Variants in HDGFL3 observed in about 807,000 individuals in gnomAD.
The protein encoded by HDGFL3 is hepatoma-derived growth factor-related protein 3.
A neutral mutation model predicts 27.6 loss-of-function variants in HDGFL3; 6 were observed. The observed-to-expected ratio is 0.22, with a 90% CI of 0.12 to 0.43. The LOEUF is 0.43. Among genes scored for constraint, HDGFL3 ranks in the 20% least tolerant of loss-of-function variants. The probability of loss-of-function intolerance (pLI) is 1.00; values close to 1 mark genes in which losing one functional copy is unlikely to be tolerated. For synonymous variants in HDGFL3, 88 were observed against 88.9 expected (o/e 0.99, Z 0.05); for missense variants, 207 against 250.1 (o/e 0.83, Z 1.16).
intron 1 of HDGFL3, among the ~76,000 whole-genome samples, chr15:83,176,529 C>T (rs76508150): frequency 0.012 from 1,810 of 152,206 alleles, 38 homozygotes; most frequent in African/African-American, 0.041. Flanking sequence ...GACTGGAGCC[C>T]GTGGGGAGGC....
At chr15:83,146,589 T>C (rs2036896740) in intron 5 of HDGFL3, among the ~76,000 whole-genome samples, 1 of 152,224 alleles carries the variant, frequency 6.6e-6, no homozygotes, top group African/African-American at 2.4e-5. Context: ...CTTGTACACA[T>C]CCTTGATTCC....
At chr15:83,194,635 T>G (rs1183853074) in intron 1 of HDGFL3, among the ~76,000 whole-genome samples, 3 of 152,194 alleles carry the variant, frequency 2.0e-5, no homozygotes, top group Non-Finnish European at 4.4e-5. Flanking sequence ...GGTTTTCACC[T>G]TTTCTTTACC....
chr15:83,171,934 CCT>C (rs1163622180), intron 1 of HDGFL3, among the ~76,000 whole-genome samples: 1 of 152,148 alleles, frequency 6.6e-6, no homozygotes, highest in African/African-American at 2.4e-5. Flanking sequence ...ATGGTGGTTT[CCT>C]CTTTTTATCT....
chr15:83,113,238 C>A, exon 4 of HDGFL3: 1 of 383,698 alleles, frequency 2.6e-6, no homozygotes, highest in Non-Finnish European at 4.9e-6. Flanking sequence ...TACTAGCAGT[C>A]CCCCCCACTT....
chr15:83,202,202 C>A (rs1432239795), intron 1 of HDGFL3, among the ~76,000 whole-genome samples: 4 of 152,058 alleles, frequency 2.6e-5, no homozygotes, highest in African/African-American at 9.7e-5. Flanking sequence ...CAAATTTAAT[C>A]TATTGCTAGA....
intron 1 of HDGFL3, among the ~76,000 whole-genome samples, chr15:83,198,334 G>A (rs549437589): frequency 3.3e-5 from 5 of 152,138 alleles, no homozygotes; most frequent in African/African-American, 9.6e-5. Flanking sequence ...CTATATAAAC[G>A]CATACAACTC....
downstream of HDGFL3, among the ~76,000 whole-genome samples, chr15:83,126,082 G>A (rs2035723063): frequency 6.6e-6 from 1 of 152,210 alleles, no homozygotes; most frequent in Admixed American, 6.5e-5. Context: ...ATGTGTGCAT[G>A]TGTGGGGGTG....
intron 5 of HDGFL3, chr15:83,144,639 C>G (rs537445579): frequency 2.4e-6 from 1 of 410,674 alleles, no homozygotes; most frequent in Admixed American, 2.9e-5. Flanking sequence ...CCGTGAGGAG[C>G]TGAATCCTGC....
chr15:83,161,401 T>C (rs1017427577), intron 2 of HDGFL3, among the ~76,000 whole-genome samples: 1 of 152,114 alleles, frequency 6.6e-6, no homozygotes, highest in Non-Finnish European at 1.5e-5. Context: ...GCTAAAGTGA[T>C]CCTCCAGCCT....
Position 83,131,942 on chromosome 15 carries a change from T to G in HDGFL3, c.*7328A>C, listed in dbSNP as rs2036283223. The stretch of plus-strand genomic sequence containing the variant: ...AATTGAAGCATTTTCTCTGCTAAAA[T>G]ATCAATGAAAATGAAAAAAAGCCAA... On this transcript the variant is annotated 3_prime_UTR_variant, in exon 6 of 6. Transcript: ENST00000299633. 6.6e-6 allele frequency: 1 copy of G among 152,208 alleles called. No individual in the cohort carries two copies. 9.4% of individuals were successfully genotyped at this position (152,208 alleles called of 1,614,324 possible).
At chr15:83,145,079 C>T (rs138435894) in intron 5 of HDGFL3, among the ~76,000 whole-genome samples, 5 of 152,036 alleles carry the variant, frequency 3.3e-5, no homozygotes, top group African/African-American at 7.2e-5. Flanking sequence ...AAGGGACCCT[C>T]GTAAAAATCT....
chr15:83,142,869 T>C (rs2036805873), intron 5 of HDGFL3, among the ~76,000 whole-genome samples: 1 of 152,222 alleles, frequency 6.6e-6, no homozygotes. Context: ...TGCAAACTTT[T>C]CTGTGAAATG....
Position 83,128,883 on chromosome 15 carries a change from T to G in HDGFL3, c.*10387A>C, listed in dbSNP as rs1182995550. ...TCTTGCTCCATCTCCCAGGCTGGAG[T>G]GTGATGGCACAGTCATAGCTCACCG... On this transcript the variant is annotated 3_prime_UTR_variant, in exon 6 of 6. Transcript: ENST00000299633. 1 of 152,062 alleles carries G rather than the reference T, an allele frequency of 6.6e-6. No individual in the cohort carries two copies. The highest frequency in any genetic ancestry group is 1.9e-4 in the East Asian group (1 of 5,188). 9.4% of individuals were successfully genotyped at this position (152,062 alleles called of 1,614,324 possible).
chr15:83,180,750 A>G (rs960558185), intron 1 of HDGFL3: 1 of 148,990 alleles, frequency 6.7e-6, no homozygotes, highest in African/African-American at 2.5e-5. Context: ...GGTTCAAGCG[A>G]TTCTCCTGCT....
chr15:83,119,710 T>A, intron 3 of HDGFL3: 1 of 1,613,312 alleles, frequency 6.2e-7, no homozygotes, highest in Non-Finnish European at 8.5e-7. Context: ...TGTGTGCCTT[T>A]GCCACCTTAG....
intron 5 of HDGFL3, among the ~76,000 whole-genome samples, chr15:83,143,701 C>A (rs758038983): frequency 6.6e-6 from 1 of 152,082 alleles, no homozygotes; most frequent in Admixed American, 6.6e-5. Context: ...CATTGTATGA[C>A]GGAATAAGGA....
chr15:83,150,674 G>T (rs1596548523), intron 5 of HDGFL3, among the ~76,000 whole-genome samples: 2 of 152,292 alleles, frequency 1.3e-5, no homozygotes, highest in East Asian at 3.9e-4. Context: ...TACAAAGGTG[G>T]ACTTACCTGT....
chr15:83,152,335 C>T (rs2036974045), intron 4 of HDGFL3, among the ~76,000 whole-genome samples: 1 of 152,198 alleles, frequency 6.6e-6, no homozygotes, highest in African/African-American at 2.4e-5. Context: ...GCGGGTGGAT[C>T]ACCTAAGTAA....
intron 1 of HDGFL3, among the ~76,000 whole-genome samples, chr15:83,179,409 T>C (rs1220824036): frequency 6.6e-6 from 1 of 152,200 alleles, no homozygotes; most frequent in Non-Finnish European, 1.5e-5. Flanking sequence ...AACATGACGA[T>C]AATCTAATTA....
Sources: allele counts gnomAD v4.1 joint callset (sites outside exome capture counted in the v4.1 genomes callset), GRCh38; gene constraint gnomAD v4.1.1; transcripts MANE v1.5; gene names NCBI Gene and HGNC (gene_info 2026-07-23, HGNC 2026-07-21).